The following RPS6KA2 variants were observed in gnomAD, a reference collection of about 807,000 sequenced individuals.
The protein encoded by RPS6KA2 is ribosomal protein S6 kinase A2.
Under a neutral mutation model 91.8 loss-of-function variants are expected in RPS6KA2, and 42 were observed. The ratio of observed to expected loss-of-function variants is 0.46; its 90% CI spans 0.36 to 0.59. RPS6KA2 has a LOEUF of 0.59. Ranked by LOEUF, RPS6KA2 falls within the 20% of genes least tolerant of loss-of-function variation. The pLI is 0.00. For synonymous variants in RPS6KA2, 414 were observed against 393.6 expected (o/e 1.05, Z -0.61); for missense variants, 798 against 978.5 (o/e 0.82, Z 2.46).
rs1778267883 is a variant in RPS6KA2, at chr6:166,410,559, G to C, written c.*2203C>G. On this transcript the variant is annotated 3_prime_UTR_variant, in exon 21 of 21. Coordinates refer to ENST00000265678, the MANE Select transcript of RPS6KA2 (RefSeq NM_021135.6). ...CTGATGCACATCAAATACATGTAAG[G>C]ACAGAGCTCGCTGTGATGGGGAGTC... The C allele has an allele frequency of 6.6e-6, 1 of 152,350 alleles. No homozygotes were observed. The highest frequency in any genetic ancestry group is 2.4e-5 in the African/African-American group (1 of 41,422). The allele number at this position is 152,350 out of a possible 1,614,324, so 9.4% of individuals were successfully genotyped here.
intron 2 of RPS6KA2, among the ~76,000 whole-genome samples, chr6:166,532,210 G>T (rs1476943633): frequency 1.3e-5 from 2 of 152,222 alleles, no homozygotes; most frequent in Non-Finnish European, 2.9e-5. Flanking sequence ...AGATGTTCTA[G>T]TTCCATGGAA....
intron 1 of RPS6KA2, among the ~76,000 whole-genome samples, chr6:166,560,065 T>C (rs1419526264): frequency 6.6e-6 from 1 of 152,234 alleles, no homozygotes; most frequent in African/African-American, 2.4e-5. Flanking sequence ...TGATTTAGAC[T>C]GAGATGTGAG....
intron 10 of RPS6KA2, among the ~76,000 whole-genome samples, chr6:166,487,241 C>T (rs376962895): frequency 2.6e-5 from 4 of 152,130 alleles, no homozygotes; most frequent in South Asian, 2.1e-4. Context: ...CTGACACACA[C>T]CCACGTGCCC....
chr6:166,707,101 G>T lies in RPS6KA2; in HGVS notation c.123+151099C>A, dbSNP rs529248526. 3.3e-5 allele frequency among the ~76,000 whole-genome samples: 5 copies of T among 152,386 alleles called. No homozygotes were observed. The East Asian group carries it at 7.7e-4, about 23-fold the overall frequency. On this transcript the variant is annotated intron_variant, in intron 2 of 21. Transcript: ENST00000503859. ...CCCAGCAAACTTGAGAGTAAAGGCT[G>T]ATCAGAGAAGAGAGTTAGCAGGCAA... is the stretch of plus-strand genomic sequence containing the variant.
chr6:166,558,551 C>T (rs1784244768), intron 1 of RPS6KA2, among the ~76,000 whole-genome samples: 1 of 152,144 alleles, frequency 6.6e-6, no homozygotes, highest in South Asian at 2.1e-4. Context: ...AGTGTGTGCC[C>T]AGGGCAACAC....
intron 11 of RPS6KA2, chr6:166,463,600 G>C (rs1355337338): frequency 6.6e-6 from 1 of 152,184 alleles, no homozygotes; most frequent in Non-Finnish European, 1.5e-5. Context: ...TCAGCTAAGT[G>C]AGAAGAGGAC....
rs1226904500 is a variant in RPS6KA2 at position 166,435,177 on chromosome 6, C to T, written c.1333-2687G>A. Among the ~76,000 whole-genome samples, 1 of 152,084 alleles carries T rather than the reference C, an allele frequency of 6.6e-6. No individual in the cohort carries two copies. Among genetic ancestry groups the T allele is most frequent in the Non-Finnish European group, 1.5e-5 (1 of 68,030 alleles). Reference sequence around the variant, plus strand: ...ACTACAGATGGCTGCCCTCTCAACCCTAGTATCTATTTTATTTCTATGTGT... The same window carrying T: ...ACTACAGATGGCTGCCCTCTCAACCTTAGTATCTATTTTATTTCTATGTGT... On this transcript the variant is annotated intron_variant, in intron 14 of 20. Coordinates refer to ENST00000265678, the MANE Select transcript of RPS6KA2 (RefSeq NM_021135.6). The surrounding 1 kb of genome is among the most constrained non-coding windows in gnomAD (Gnocchi z 4.3).
At chr6:166,664,394 T>C (rs968934700) in intron 2 of RPS6KA2, among the ~76,000 whole-genome samples, 4 of 152,338 alleles carry the variant, frequency 2.6e-5, no homozygotes, top group African/African-American at 9.6e-5. Flanking sequence ...GCACACTCAT[T>C]TAAGAGGCGC....
chr6:166,645,780 A>G (rs1787585682), intron 2 of RPS6KA2, among the ~76,000 whole-genome samples: 1 of 152,278 alleles, frequency 6.6e-6, no homozygotes, highest in Admixed American at 6.5e-5. Context: ...AAACAGTAGC[A>G]TTAACTTTGC....
rs1327788060 is a variant in RPS6KA2 at position 166,852,923 on chromosome 6, C to T, written c.123+5277G>A. 6.6e-6 allele frequency among the ~76,000 whole-genome samples: 1 copy of T among 152,148 alleles called. No homozygotes were observed. The highest frequency in any genetic ancestry group is 6.5e-5 in the Admixed American group (1 of 15,288). On this transcript the variant is annotated intron_variant, in intron 2 of 21. Transcript: ENST00000503859. This position sits in a 1 kb window ranked among gnomAD's most constrained non-coding sequence, Gnocchi z 4.1. ...CAACTGATGGTGACAGCAGGAAATG[C>T]ACCTGCCCTGCCCCCTCGCCCGGAT...
At chr6:166,574,801 A>T (rs1784791736) in intron 1 of RPS6KA2, among the ~76,000 whole-genome samples, 1 of 152,224 alleles carries the variant, frequency 6.6e-6, no homozygotes, top group African/African-American at 2.4e-5. Flanking sequence ...AACCAGGTTA[A>T]TTCATCAGGT....
At chr6:166,790,315 A>C (rs1254420347) in intron 2 of RPS6KA2, among the ~76,000 whole-genome samples, 1 of 152,218 alleles carries the variant, frequency 6.6e-6, no homozygotes, top group Non-Finnish European at 1.5e-5. Flanking sequence ...TTTAGAGAAA[A>C]AAGTATAAAA....
At chr6:166,440,585 T>C (rs573099695) in intron 14 of RPS6KA2, among the ~76,000 whole-genome samples, 123 of 152,348 alleles carry the variant, frequency 8.1e-4, no homozygotes, top group African/African-American at 2.6e-3. Context: ...TTTGGAAAAA[T>C]TGGATTCATC....
At chr6:166,641,719 C>CAAAAAAA (rs71032871) in intron 2 of RPS6KA2, among the ~76,000 whole-genome samples, 25 of 28,526 alleles carry the variant, frequency 8.8e-4, no homozygotes, top group Non-Finnish European at 1.5e-3. Context: ...GACTCTGTCA[C>CAAAAAAA]AAAAAAAAAA....
At chr6:166,800,167 C>T (rs1486791969) in intron 2 of RPS6KA2, among the ~76,000 whole-genome samples, 1 of 152,200 alleles carries the variant, frequency 6.6e-6, no homozygotes, top group Non-Finnish European at 1.5e-5. Context: ...TATTTTAAGC[C>T]AGTGACTCAT....
intron 2 of RPS6KA2, among the ~76,000 whole-genome samples, chr6:166,658,540 A>G (rs1361747567): frequency 6.6e-6 from 1 of 152,110 alleles, no homozygotes; most frequent in Non-Finnish European, 1.5e-5. Context: ...CTTCAAAACC[A>G]CGCACTGAAA....
At chr6:166,776,052 C>T (rs1778608724) in intron 2 of RPS6KA2, among the ~76,000 whole-genome samples, 1 of 152,196 alleles carries the variant, frequency 6.6e-6, no homozygotes, top group Admixed American at 6.5e-5. Context: ...TCCCCAGCCA[C>T]AGCGGTGCTG....
chr6:166,760,247 T>C (rs910194816), intron 2 of RPS6KA2, among the ~76,000 whole-genome samples: 1 of 152,264 alleles, frequency 6.6e-6, no homozygotes, highest in Non-Finnish European at 1.5e-5. Context: ...GGGCTCATTC[T>C]GGTGAACAAA....
At chr6:166,619,349 TA>T (rs1178685803) in intron 1 of RPS6KA2, among the ~76,000 whole-genome samples, 3 of 152,248 alleles carry the variant, frequency 2.0e-5, no homozygotes, top group Admixed American at 2.0e-4. Flanking sequence ...AAAGGTGTTC[TA>T]AAAATAAATG....
Sources: allele counts gnomAD v4.1 joint callset (sites outside exome capture counted in the v4.1 genomes callset), GRCh38; gene constraint gnomAD v4.1.1; non-coding constraint Gnocchi (gnomAD v3.1); transcripts MANE v1.5; gene names NCBI Gene and HGNC (gene_info 2026-07-23, HGNC 2026-07-21).